The following NR3C2 variants were observed in gnomAD, a reference collection of about 807,000 sequenced individuals.
NR3C2 encodes nuclear receptor subfamily 3 group C member 2, also known as mineralocorticoid receptor.
NR3C2 carries 15 observed loss-of-function variants against 86.4 expected under a neutral mutation model. That is an observed-to-expected ratio of 0.17 (90% CI 0.12 to 0.27). The LOEUF (loss-of-function observed/expected upper bound fraction) is 0.27. Among genes scored for constraint, NR3C2 ranks in the 10% least tolerant of loss-of-function variants. The pLI, the probability that NR3C2 is intolerant of heterozygous loss-of-function variation, is 1.00. For missense variants in NR3C2, 960 were observed against 1,195.6 expected (o/e 0.80, Z 2.91); for synonymous variants, 458 against 450.5 (o/e 1.02, Z -0.21).
chr4:148,174,233 CTT>C (rs1421285516), intron 4 of NR3C2, among the ~76,000 whole-genome samples: 1 of 152,182 alleles, frequency 6.6e-6, no homozygotes. Context: ...AAAATTTCCC[CTT>C]TGTTCTGGAT....
At chr4:148,096,337 CTTCTTGCAAATGT>C (rs1431108861) in intron 8 of NR3C2, among the ~76,000 whole-genome samples, 1 of 152,150 alleles carries the variant, frequency 6.6e-6, no homozygotes, top group African/African-American at 2.4e-5. Flanking sequence ...TTCCTAGATC[CTTCTTGCAAATGT>C]ACACTATGCT....
In NR3C2 at chr4:148,245,284, TA is replaced by T. The variant is rs1399080017; in HGVS notation, c.1897+14693del. Among the ~76,000 whole-genome samples, 6 of 152,264 alleles carry T rather than the reference TA, an allele frequency of 3.9e-5. No homozygotes were observed. The East Asian group carries it at 1.2e-3, about 29-fold the overall frequency. On this transcript the variant is annotated intron_variant, in intron 3 of 8. Coordinates refer to ENST00000358102, the MANE Select transcript of NR3C2 (RefSeq NM_000901.5). ...TGAAGCATCTTGATAAGCTAAGTATTACCAGATCTTAATTTTATAGTTAAGA... is the reference window on the plus strand; with the variant it reads ...TGAAGCATCTTGATAAGCTAAGTATTCCAGATCTTAATTTTATAGTTAAGA...
chr4:148,367,075 T>G (rs1277637454), intron 2 of NR3C2, among the ~76,000 whole-genome samples: 1 of 152,176 alleles, frequency 6.6e-6, no homozygotes, highest in African/African-American at 2.4e-5. Flanking sequence ...AGAACTGCAT[T>G]TTATCACTTC....
At chr4:148,135,831 CG>C (rs1733281229) in intron 6 of NR3C2, among the ~76,000 whole-genome samples, 1 of 151,386 alleles carries the variant, frequency 6.6e-6, no homozygotes, top group Non-Finnish European at 1.5e-5. Context: ...CCGAGGCGGG[CG>C]GATCACGAGG....
chr4:148,178,026 A>T (rs1214073500), intron 4 of NR3C2, among the ~76,000 whole-genome samples: 3 of 152,168 alleles, frequency 2.0e-5, no homozygotes, highest in African/African-American at 7.2e-5. Context: ...CATAAGTAAA[A>T]CGTTTTCGAC....
intron 4 of NR3C2, among the ~76,000 whole-genome samples, chr4:148,155,904 CAA>C (rs1340702392): frequency 1.3e-5 from 2 of 151,974 alleles, no homozygotes; most frequent in African/African-American, 4.8e-5. Flanking sequence ...GTACTGGTAC[CAA>C]AACAGAGATA....
rs531587777 is a variant in NR3C2 at position 148,168,332 on chromosome 4, T to C, written c.2015-13431A>G. Among the ~76,000 whole-genome samples the C allele has an allele frequency of 6.6e-5, 10 of 152,250 alleles. No homozygotes were observed. In the South Asian group the frequency reaches 1.0e-3, roughly 16 times the overall value. On this transcript the variant is annotated intron_variant, in intron 4 of 8. Transcript: ENST00000358102. The stretch of plus-strand genomic sequence containing the variant: ...TCAATTCAAGGTTTTAGTACCCAAA[T>C]TGCAAGCACTCTAAGAGAATGAGAG...
At chr4:148,214,266 T>C (rs1737416330) in intron 3 of NR3C2, among the ~76,000 whole-genome samples, 1 of 152,228 alleles carries the variant, frequency 6.6e-6, no homozygotes, top group South Asian at 2.1e-4. Context: ...GCTATTAATA[T>C]TGATTCTAAA....
intron 8 of NR3C2, among the ~76,000 whole-genome samples, chr4:148,107,983 T>C (rs1265399511): frequency 6.6e-6 from 1 of 152,180 alleles, no homozygotes; most frequent in African/African-American, 2.4e-5. Flanking sequence ...CAGCACATTC[T>C]GCACATGTAT....
intron 8 of NR3C2, among the ~76,000 whole-genome samples, chr4:148,094,214 G>A (rs1045833201): frequency 6.6e-6 from 1 of 152,236 alleles, no homozygotes; most frequent in Non-Finnish European, 1.5e-5. Flanking sequence ...TCAAAAAACA[G>A]TGGAAAATAA....
chr4:148,107,489 TTACTGGG>T (rs1731854718), intron 8 of NR3C2, among the ~76,000 whole-genome samples: 1 of 152,194 alleles, frequency 6.6e-6, no homozygotes, highest in East Asian at 1.9e-4. Context: ...AGCAATCCCA[TTACTGGG>T]TATATACCCA....
intron 3 of NR3C2, among the ~76,000 whole-genome samples, chr4:148,196,459 G>T (rs1007829426): frequency 2.6e-5 from 4 of 152,144 alleles, no homozygotes; most frequent in Non-Finnish European, 5.9e-5. Context: ...GGTGAGCATA[G>T]ACTGGAGAGT....
rs1734265574 is a variant in NR3C2, at chr4:148,154,663, A to G, written c.2253T>C (p.Tyr751=). The G allele has an allele frequency of 6.2e-7, 1 of 1,614,066 alleles. No homozygotes were observed. The change falls in exon 5 of 9, where the codon TAT becomes TAC. Residue 751 remains tyrosine (Y), a synonymous_variant. Transcript: ENST00000358102. ...CTGGTTTTGAGCTGTCATAGCCTGC[A>G]TATACAATTTCAGGTTCAATGTTTT... is the stretch of plus-strand genomic sequence containing the variant. ...VLENIEPEIV[Y]AGYDSSKPDT...
chr4:148,269,681 AC>A (rs1224250884), intron 2 of NR3C2, among the ~76,000 whole-genome samples: 9 of 152,176 alleles, frequency 5.9e-5, no homozygotes, highest in African/African-American at 2.2e-4. Flanking sequence ...AACAAAAAAA[AC>A]ACCTGTGAGC....
chr4:148,128,189 T>A (rs980809454), intron 6 of NR3C2, among the ~76,000 whole-genome samples: 5 of 152,308 alleles, frequency 3.3e-5, no homozygotes, highest in African/African-American at 1.2e-4. Context: ...AACTGTTTTA[T>A]CTACAGGACC....
chr4:148,321,382 T>C (rs1743577196), intron 2 of NR3C2, among the ~76,000 whole-genome samples: 1 of 151,560 alleles, frequency 6.6e-6, no homozygotes, highest in African/African-American at 2.4e-5. Context: ...GTTCTGTAGA[T>C]GTCTATTAGG....
chr4:148,141,444 T>TCACACACA (rs10650773), intron 6 of NR3C2, among the ~76,000 whole-genome samples: 2 of 149,976 alleles, frequency 1.3e-5, no homozygotes, highest in African/African-American at 2.5e-5. Flanking sequence ...TCTCCCTCTC[T>TCACACACA]CTCACACACA....
chr4:148,141,532 T>C (rs1056524307), intron 6 of NR3C2, among the ~76,000 whole-genome samples: 1 of 152,110 alleles, frequency 6.6e-6, no homozygotes, highest in Non-Finnish European at 1.5e-5. Context: ...GTATTTACAG[T>C]ATATCTGGAG....
At chr4:148,169,283 CACTTT>C (rs1735018021) in intron 4 of NR3C2, among the ~76,000 whole-genome samples, 1 of 152,090 alleles carries the variant, frequency 6.6e-6, no homozygotes, top group African/African-American at 2.4e-5. Context: ...TTATAGTCCA[CACTTT>C]TTTTTTCTCA....
Sources: gnomAD v4.1 joint callset for allele counts (sites outside exome capture counted in the v4.1 genomes callset) on GRCh38, gnomAD v4.1.1 for gene constraint, MANE v1.5 for transcripts, NCBI Gene and HGNC (gene_info 2026-07-23, HGNC 2026-07-21) for gene names.